Variants in FUT9 observed in about 807,000 individuals in gnomAD.
The protein encoded by FUT9 is 4-galactosyl-N-acetylglucosaminide 3-alpha-L-fucosyltransferase 9.
FUT9 carries 15 observed loss-of-function variants against 29.7 expected under a neutral mutation model. The ratio of observed to expected loss-of-function variants is 0.51; its 90% CI spans 0.34 to 0.78. The LOEUF is 0.78. Among genes scored for constraint, FUT9 ranks in the 30% least tolerant of loss-of-function variants. The pLI is 0.01. For missense variants in FUT9, 319 were observed against 425.4 expected (o/e 0.75, Z 2.20); for synonymous variants, 169 against 153.7 (o/e 1.10, Z -0.74).
In FUT9 at chr6:96,203,136, T is replaced by C. The variant is rs1309023178; in HGVS notation, c.-8-12T>C. 5 of 1,571,854 alleles carry C rather than the reference T, an allele frequency of 3.2e-6. No individual in the cohort carries two copies. The highest frequency in any genetic ancestry group is 3.5e-6 in the Non-Finnish European group (4 of 1,154,344). ...ACCGCTACCTCCCCTTCTGTCTTTC[T>C]CTATTTCGTAGGAAAAATTATGACA... On this transcript the variant is annotated splice_polypyrimidine_tract_variant and intron_variant, in intron 2 of 2. Transcript: ENST00000302103.
chr6:96,106,222 C>CCTTCCTTCCTTCCTTCCTTT lies in FUT9; in HGVS notation c.-97-7798_-97-7797insTCTTCCTTCCTTCCTTCCTT, dbSNP rs1201396218. 3.3e-5 allele frequency among the ~76,000 whole-genome samples: 5 copies of CCTTCCTTCCTTCCTTCCTTT among 151,192 alleles called. No homozygotes were observed. In the Admixed American group the frequency reaches 3.3e-4, roughly 10 times the overall value. ...CATCACAATCCATCAACCCTTCCTT[C>CCTTCCTTCCTTCCTTCCTTT]CTTCCTTCCTTCCTTCCTTCCTTCA... is the stretch of plus-strand genomic sequence containing the variant. On this transcript the variant is annotated intron_variant, in intron 1 of 2. Transcript: ENST00000302103.
Position 96,130,312 on chromosome 6 carries a change from A to C in FUT9, c.-9+16185A>C, listed in dbSNP as rs532260479. ...TTTTATAAATATTATAAGAAACTTCACCTGTCTTCATGTATTAAATAAGAT... is the reference window on the plus strand; with the variant it reads ...TTTTATAAATATTATAAGAAACTTCCCCTGTCTTCATGTATTAAATAAGAT... On this transcript the variant is annotated intron_variant, in intron 2 of 2. Coordinates refer to ENST00000302103, the MANE Select transcript of FUT9 (RefSeq NM_006581.4). Among the ~76,000 whole-genome samples the C allele has an allele frequency of 2.0e-5, 3 of 152,256 alleles. No homozygotes were observed. The South Asian group carries it at 6.2e-4, about 32-fold the overall frequency.
At chr6:96,128,312 T>C (rs180700689) in intron 2 of FUT9, among the ~76,000 whole-genome samples, 3 of 152,168 alleles carry the variant, frequency 2.0e-5, no homozygotes, top group Non-Finnish European at 2.9e-5. Flanking sequence ...AATGCCATAA[T>C]AAAAGAGGCA....
chr6:96,055,600 G>A (rs1166282779), intron 1 of FUT9, among the ~76,000 whole-genome samples: 1 of 151,610 alleles, frequency 6.6e-6, no homozygotes, highest in South Asian at 2.1e-4. Flanking sequence ...TGCATCATGG[G>A]GGTTTGTTGT....
chr6:96,067,633 G>A (rs1296504118), intron 1 of FUT9, among the ~76,000 whole-genome samples: 1 of 152,038 alleles, frequency 6.6e-6, no homozygotes, highest in African/African-American at 2.4e-5. Context: ...ATTATTTAGG[G>A]ATATAAGAGG....
intron 1 of FUT9, among the ~76,000 whole-genome samples, chr6:96,100,235 ACACACACACAC>A (rs1562124290): frequency 5.3e-3 from 6 of 1,138 alleles, no homozygotes; most frequent in Non-Finnish European, 0.023. Flanking sequence ...ACACCAACAC[ACACACACACAC>A]ACACACACAC....
intron 2 of FUT9, among the ~76,000 whole-genome samples, chr6:96,157,992 T>C (rs556313811): frequency 8.5e-5 from 13 of 152,312 alleles, no homozygotes; most frequent in Admixed American, 5.9e-4. Context: ...AATTATATTA[T>C]CCAGTCTTAA....
At chr6:96,127,215 G>A (rs886552709) in intron 2 of FUT9, among the ~76,000 whole-genome samples, 1 of 152,020 alleles carries the variant, frequency 6.6e-6, no homozygotes, top group Non-Finnish European at 1.5e-5. Flanking sequence ...AGGCCCCAGT[G>A]GCTGGCTTTT....
intron 2 of FUT9, among the ~76,000 whole-genome samples, chr6:96,124,160 T>C (rs1480889840): frequency 6.7e-6 from 1 of 149,594 alleles, no homozygotes; most frequent in Non-Finnish European, 1.5e-5. Flanking sequence ...TTTCTTTTTT[T>C]TTTTTTTTTG....
chr6:96,087,129 C>G (rs1201425616), intron 1 of FUT9, among the ~76,000 whole-genome samples: 1 of 152,104 alleles, frequency 6.6e-6, no homozygotes, highest in Non-Finnish European at 1.5e-5. Flanking sequence ...AAGAAAATGA[C>G]ATTCTTACAG....
At chr6:96,191,877 G>A (rs1773517592) in intron 2 of FUT9, among the ~76,000 whole-genome samples, 1 of 152,108 alleles carries the variant, frequency 6.6e-6, no homozygotes, top group African/African-American at 2.4e-5. Context: ...CTTCATCCCT[G>A]GGATGCAAGG....
At chr6:96,164,162 A>T (rs7763970) in intron 2 of FUT9, among the ~76,000 whole-genome samples, 24,077 of 151,818 alleles carry the variant, frequency 0.16, 2,114 homozygotes, top group African/African-American at 0.19. Flanking sequence ...GATTTTCTGA[A>T]TAGCAATTGG....
At chr6:96,073,417 C>G (rs922041805) in intron 1 of FUT9, among the ~76,000 whole-genome samples, 1 of 149,990 alleles carries the variant, frequency 6.7e-6, no homozygotes, top group Non-Finnish European at 1.5e-5. Context: ...CCACTGCACT[C>G]CAGCTTGGGA....
chr6:96,028,184 A>G (rs1770199834), intron 1 of FUT9, among the ~76,000 whole-genome samples: 1 of 151,598 alleles, frequency 6.6e-6, no homozygotes, highest in Non-Finnish European at 1.5e-5. Context: ...GGGGCAAAGT[A>G]GAAGTTCTAG....
At chr6:96,200,984 T>C (rs1235729516) in intron 2 of FUT9, among the ~76,000 whole-genome samples, 1 of 152,074 alleles carries the variant, frequency 6.6e-6, no homozygotes, top group South Asian at 2.1e-4. Flanking sequence ...TGACTTTTTT[T>C]TTTTAAACAA....
chr6:96,058,990 G>A (rs9377337), intron 1 of FUT9, among the ~76,000 whole-genome samples: 82,710 of 151,970 alleles, frequency 0.54, 22,637 homozygotes, highest in South Asian at 0.63. Flanking sequence ...AGTTGCATTT[G>A]CCAGGAAAAT....
chr6:96,116,562 C>A (rs906245514), intron 2 of FUT9, among the ~76,000 whole-genome samples: 22 of 152,120 alleles, frequency 1.4e-4, no homozygotes, highest in African/African-American at 5.3e-4. Flanking sequence ...AATGAATGAA[C>A]AGACTGTGGT....
At chr6:96,023,202 G>A (rs1484232937) in intron 1 of FUT9, among the ~76,000 whole-genome samples, 1 of 151,910 alleles carries the variant, frequency 6.6e-6, no homozygotes, top group Non-Finnish European at 1.5e-5. Context: ...TTTGTTTGTT[G>A]GGGATGAAGA....
At chr6:96,105,174 C>G (rs528850523) in intron 1 of FUT9, among the ~76,000 whole-genome samples, 2 of 152,302 alleles carry the variant, frequency 1.3e-5, no homozygotes, top group Admixed American at 6.5e-5. Flanking sequence ...AAATGCATTT[C>G]TTTGTATGCA....
Sources: gnomAD v4.1 joint callset for allele counts (sites outside exome capture counted in the v4.1 genomes callset) on GRCh38, gnomAD v4.1.1 for gene constraint, MANE v1.5 for transcripts, NCBI Gene and HGNC (gene_info 2026-07-23, HGNC 2026-07-21) for gene names.